The following PTDSS1 variants were observed in gnomAD, a reference collection of about 807,000 sequenced individuals.
The protein encoded by PTDSS1 is PSS-1.
A neutral mutation model predicts 70.5 loss-of-function variants in PTDSS1; 45 were observed. The ratio of observed to expected loss-of-function variants is 0.64; its 90% confidence interval spans 0.50 to 0.82. The LOEUF (loss-of-function observed/expected upper bound fraction) is 0.82, where lower values mean the gene tolerates loss of function less well. Among genes scored for constraint, PTDSS1 ranks in the 40% least tolerant of loss-of-function variants. The pLI, the probability that PTDSS1 is intolerant of heterozygous loss-of-function variation, is 0.00. For missense variants in PTDSS1, 417 were observed against 586.1 expected (o/e 0.71, Z 2.98); for synonymous variants, 188 against 203.8 (o/e 0.92, Z 0.66).
intron 10 of PTDSS1, among the ~76,000 whole-genome samples, chr8:96,320,878 G>A (rs1274051599): frequency 4.6e-5 from 7 of 152,228 alleles, no homozygotes; most frequent in Non-Finnish European, 1.0e-4. Flanking sequence ...AGAGCCTGTA[G>A]GGACACCAGC....
At chr8:96,314,245 C>T (rs1811252934) in intron 9 of PTDSS1, among the ~76,000 whole-genome samples, 1 of 152,164 alleles carries the variant, frequency 6.6e-6, no homozygotes, top group South Asian at 2.1e-4. Flanking sequence ...CAGGGTTTCA[C>T]CATGTTGCCC....
chr8:96,333,426 G>T, intron 12 of PTDSS1, 31 bp from the exon 13 acceptor site: 1 of 1,571,466 alleles, frequency 6.4e-7, no homozygotes. Context: ...CAGAGCCCAG[G>T]GTGACGGTGT....
At chr8:96,307,890 G>C (rs1044201167) in intron 8 of PTDSS1, among the ~76,000 whole-genome samples, 1 of 152,116 alleles carries the variant, frequency 6.6e-6, no homozygotes, top group Non-Finnish European at 1.5e-5. Context: ...AAAATCCAAC[G>C]TTTTGAACTT....
chr8:96,287,963 T>C (rs749344850), intron 4 of PTDSS1, among the ~76,000 whole-genome samples: 1 of 152,142 alleles, frequency 6.6e-6, no homozygotes, highest in South Asian at 2.1e-4. Flanking sequence ...CCCAGTTCCA[T>C]AAGACTGCCC....
At chr8:96,295,295 A>G (rs1030110316) in intron 5 of PTDSS1, 39 bp downstream of exon 5, 4 of 1,581,744 alleles carry the variant, frequency 2.5e-6, no homozygotes, top group Non-Finnish European at 3.4e-6. Flanking sequence ...AGACTGTGCC[A>G]TGTGTGTAGT....
chr8:96,288,625 CTTTTTTTTT>C (rs777705401), intron 4 of PTDSS1, among the ~76,000 whole-genome samples: 1 of 84,648 alleles, frequency 1.2e-5, no homozygotes, highest in Admixed American at 1.3e-4. Flanking sequence ...CACGCTTGGC[CTTTTTTTTT>C]TTTTTTTTTT....
At chr8:96,288,449 C>T (rs947551584) in intron 4 of PTDSS1, among the ~76,000 whole-genome samples, 3 of 151,756 alleles carry the variant, frequency 2.0e-5, no homozygotes, top group Non-Finnish European at 4.4e-5. Flanking sequence ...TTCAGCCTCC[C>T]GAATAGCTAG....
chr8:96,308,722 A>G (rs1262857531), intron 8 of PTDSS1, among the ~76,000 whole-genome samples: 1 of 152,230 alleles, frequency 6.6e-6, no homozygotes, highest in African/African-American at 2.4e-5. Flanking sequence ...ATGTTTTAAT[A>G]TATTTGTTTA....
chr8:96,298,304 T>C (rs1219604900), intron 5 of PTDSS1, among the ~76,000 whole-genome samples: 2 of 152,250 alleles, frequency 1.3e-5, no homozygotes, highest in African/African-American at 4.8e-5. Flanking sequence ...TACAAAATGC[T>C]TTCATGAATA....
At chr8:96,331,301 G>A (rs1342030393) in intron 12 of PTDSS1, among the ~76,000 whole-genome samples, 1 of 152,132 alleles carries the variant, frequency 6.6e-6, no homozygotes, top group Non-Finnish European at 1.5e-5. Context: ...GCTGAGGTGG[G>A]CAGATCACTT....
chr8:96,316,407 T>C (rs58604066), intron 9 of PTDSS1, among the ~76,000 whole-genome samples: 150 of 152,342 alleles, frequency 9.8e-4, no homozygotes, highest in African/African-American at 3.5e-3. Context: ...AATGGGATCA[T>C]GTCCTTTGTA....
intron 9 of PTDSS1, among the ~76,000 whole-genome samples, chr8:96,316,613 C>T (rs1371697765): frequency 6.6e-6 from 1 of 152,164 alleles, no homozygotes; most frequent in African/African-American, 2.4e-5. Flanking sequence ...GCTACGCTCA[C>T]TACCTGGGTC....
At chr8:96,310,169 C>CT (rs113232621) in intron 9 of PTDSS1, among the ~76,000 whole-genome samples, 44,634 of 139,616 alleles carry the variant, frequency 0.32, 7,339 homozygotes, top group South Asian at 0.38. Context: ...GGATCTCTCT[C>CT]TTTTTTTTTT....
At chr8:96,278,537 C>T (rs1001818073) in intron 2 of PTDSS1, among the ~76,000 whole-genome samples, 2 of 152,164 alleles carry the variant, frequency 1.3e-5, no homozygotes, top group South Asian at 4.1e-4. Flanking sequence ...CTCTCCTGCC[C>T]TCTTCGCCTC....
chr8:96,269,930 C>T (rs1304812065), intron 1 of PTDSS1, among the ~76,000 whole-genome samples: 1 of 152,182 alleles, frequency 6.6e-6, no homozygotes, highest in Non-Finnish European at 1.5e-5. Context: ...TAGTAACGGA[C>T]ACTTTCTCTG....
rs1465508776 is a variant in PTDSS1, at chr8:96,334,582, C to G, written c.*1016C>G. On this transcript the variant is annotated 3_prime_UTR_variant, in exon 13 of 13. Coordinates refer to ENST00000517309, the MANE Select transcript of PTDSS1 (RefSeq NM_014754.3). The stretch of plus-strand genomic sequence containing the variant: ...TGTCTGTAAAATGCTCATTTTCTTG[C>G]ATCTTACTGGTATCTTCTATTGATT... 2 of 152,626 alleles carry G rather than the reference C, an allele frequency of 1.3e-5. No homozygotes were observed. The highest frequency in any genetic ancestry group is 2.9e-5 in the Non-Finnish European group (2 of 68,042). 9.5% of individuals were successfully genotyped at this position (152,626 alleles called of 1,614,324 possible).
In PTDSS1 at chr8:96,274,820, G is replaced by C. The variant is rs115312906; in HGVS notation, c.271+1430G>C. Among the ~76,000 whole-genome samples the C allele has an allele frequency of 2.4e-3, 362 of 152,268 alleles. 2 individuals carry two copies. The highest frequency in any genetic ancestry group is 8.2e-3 in the African/African-American group (340 of 41,542). On this transcript the variant is annotated intron_variant, in intron 2 of 12. Coordinates refer to ENST00000517309, the MANE Select transcript of PTDSS1 (RefSeq NM_014754.3). Reference sequence around the variant, plus strand: ...TACGTAGCACTGCGTTTACAAGAACGTAGTGGTTTTAGTATGTAGCAGACT... The same window carrying C: ...TACGTAGCACTGCGTTTACAAGAACCTAGTGGTTTTAGTATGTAGCAGACT...
At chr8:96,304,001 T>C in intron 6 of PTDSS1, 39 bp from the exon 7 acceptor site, 1 of 1,574,356 alleles carries the variant, frequency 6.4e-7, no homozygotes, top group South Asian at 1.2e-5. Flanking sequence ...CCCCCTGCCT[T>C]ATCTCTGGAT....
intron 9 of PTDSS1, among the ~76,000 whole-genome samples, chr8:96,317,969 G>A (rs1811320594): frequency 6.7e-6 from 1 of 150,126 alleles, no homozygotes; most frequent in African/African-American, 2.5e-5. Context: ...TTCTTGCTAT[G>A]GTTCTTAATG....
Sources: gnomAD v4.1 joint callset for allele counts (sites outside exome capture counted in the v4.1 genomes callset) on GRCh38, gnomAD v4.1.1 for gene constraint, MANE v1.5 for transcripts, NCBI Gene and HGNC (gene_info 2026-07-23, HGNC 2026-07-21) for gene names.